Variants in HECW2 observed in about 807,000 individuals in gnomAD.
HECW2 encodes E3 ubiquitin-protein ligase HECW2.
HECW2 carries 61 observed loss-of-function variants against 175.2 expected under a neutral mutation model. The ratio of observed to expected loss-of-function variants is 0.35; its 90% CI spans 0.28 to 0.43. The LOEUF (loss-of-function observed/expected upper bound fraction) is 0.43. HECW2 is among the 20% of genes least tolerant of loss of function. The probability of loss-of-function intolerance (pLI) is 1.00; values close to 1 mark genes in which losing one functional copy is unlikely to be tolerated. For missense variants in HECW2, 1,524 were observed against 2,000.5 expected (o/e 0.76, Z 4.54); for synonymous variants, 671 against 731.0 (o/e 0.92, Z 1.32).
In HECW2 at chr2:196,305,703, C is replaced by T. The variant is rs145938176; in HGVS notation, c.2814+785G>A. 1.1e-4 allele frequency among the ~76,000 whole-genome samples: 17 copies of T among 152,098 alleles called. No individual in the cohort carries two copies. The East Asian group carries it at 2.9e-3, about 26-fold the overall frequency. On this transcript the variant is annotated intron_variant, in intron 13 of 28. Coordinates refer to ENST00000644978, the MANE Select transcript of HECW2 (RefSeq NM_001348768.2). ...TCAACTTCTTCAGTTTCTATTCTGCCTACTTACCCACCAAATCTTGTCAAC... is the reference window on the plus strand; with the variant it reads ...TCAACTTCTTCAGTTTCTATTCTGCTTACTTACCCACCAAATCTTGTCAAC...
chr2:196,530,362 T>G (rs1688801163), intron 1 of HECW2, among the ~76,000 whole-genome samples: 1 of 152,156 alleles, frequency 6.6e-6, no homozygotes, highest in South Asian at 2.1e-4. Context: ...ACCAAACTCC[T>G]CTCCATGAAG....
chr2:196,505,943 T>C (rs567334168), intron 1 of HECW2, among the ~76,000 whole-genome samples: 39 of 152,258 alleles, frequency 2.6e-4, no homozygotes, highest in African/African-American at 8.9e-4. Flanking sequence ...TAGCATGTCA[T>C]ATGGTGATAA....
At chr2:196,281,672 G>T (rs1242827139) in intron 14 of HECW2, among the ~76,000 whole-genome samples, 4 of 121,314 alleles carry the variant, frequency 3.3e-5, no homozygotes, top group African/African-American at 1.5e-4. Flanking sequence ...AAAAAAAAGC[G>T]TGTTCTTTTA....
At chr2:196,409,718 A>G (rs557716860) in intron 2 of HECW2, among the ~76,000 whole-genome samples, 2 of 152,328 alleles carry the variant, frequency 1.3e-5, no homozygotes, top group East Asian at 3.9e-4. Context: ...AGTGCATGCT[A>G]CTTCTATCTT....
At chr2:196,233,399 A>G (rs1347451472) in intron 21 of HECW2, among the ~76,000 whole-genome samples, 1 of 152,234 alleles carries the variant, frequency 6.6e-6, no homozygotes, top group African/African-American at 2.4e-5. Context: ...TTGTTAAAAT[A>G]ACAAATTTTA....
At chr2:196,302,930 G>C (rs1691120280) in intron 13 of HECW2, among the ~76,000 whole-genome samples, 1 of 152,098 alleles carries the variant, frequency 6.6e-6, no homozygotes, top group Non-Finnish European at 1.5e-5. Flanking sequence ...GATTGCCCTG[G>C]CCAGAACTTC....
intron 11 of HECW2, 80 bp downstream of exon 11, chr2:196,307,855 A>G: frequency 1.5e-6 from 2 of 1,295,444 alleles, no homozygotes; most frequent in East Asian, 2.5e-5. Flanking sequence ...CAAAGAGACA[A>G]CCATGTCTTC....
chr2:196,278,133 A>ATATATATATATATATATATAT lies in HECW2; in HGVS notation c.3135+394_3135+395insATATATATATATATATATATA, dbSNP rs1553489735. On this transcript the variant is annotated intron_variant, in intron 15 of 28. Transcript: ENST00000644978. ...CCTAGAACTTAAAGTATAATTAAAA[A>ATATATATATATATATATATAT]ATATATATATATATATATAAAGAAA... Among the ~76,000 whole-genome samples, 428 of 66,482 alleles carry ATATATATATATATATATATAT rather than the reference A, an allele frequency of 6.4e-3. 111 individuals carry two copies. The highest frequency in any genetic ancestry group is 0.03 in the East Asian group (29 of 968). The allele number at this position is 66,482 out of a possible 152,430, so 43.6% of individuals were successfully genotyped here. A position where few individuals can be genotyped will look rare whatever the true frequency, so the allele number is the denominator to read the frequency against.
chr2:196,325,147 G>C lies in HECW2; in HGVS notation c.574C>G (p.Leu192Val). The C allele has an allele frequency of 1.3e-6, 2 of 1,577,476 alleles. No homozygotes were observed. The highest frequency in any genetic ancestry group is 4.5e-5 in the East Asian group (2 of 44,098). Residue 192 changes from leucine (L) to valine (V), a missense_variant and splice_region_variant, in exon 6 of 29, where the codon CTT (leucine) becomes GTT (valine). By Grantham distance (32) the Leu-to-Val change is conservative (BLOSUM62 1). Transcript: ENST00000644978. ...CCTTTCTTTAGCCCAACTGCCCTAA[G>C]ATCTTTAAAGAAAGAGGGAGAAGGA... ...RKLVSFTLSD[L>V]RAVGLKKGMF...
intron 1 of HECW2, among the ~76,000 whole-genome samples, chr2:196,552,672 T>C (rs554372010): frequency 4.3e-4 from 66 of 152,292 alleles, no homozygotes; most frequent in African/African-American, 1.6e-3. Flanking sequence ...TATGGTTCCT[T>C]AAGTGTCTTA....
At chr2:196,589,852 T>C (rs1213069464) in intron 1 of HECW2, among the ~76,000 whole-genome samples, 2 of 152,226 alleles carry the variant, frequency 1.3e-5, no homozygotes, top group Non-Finnish European at 1.5e-5. Context: ...TGTTAATTCA[T>C]ATTGTGCTTG....
chr2:196,374,222 A>T (rs1693987566), intron 2 of HECW2, among the ~76,000 whole-genome samples: 1 of 152,170 alleles, frequency 6.6e-6, no homozygotes, highest in Admixed American at 6.5e-5. Context: ...ATATTCTCAA[A>T]TAATTTTTAA....
intron 1 of HECW2, among the ~76,000 whole-genome samples, chr2:196,491,489 C>CAT (rs201385726): frequency 5.1e-4 from 59 of 116,130 alleles, no homozygotes; most frequent in African/African-American, 8.9e-4. Context: ...TATATATACA[C>CAT]ATATATATAT....
chr2:196,262,844 C>T (rs1268664958), intron 17 of HECW2, among the ~76,000 whole-genome samples: 1 of 152,144 alleles, frequency 6.6e-6, no homozygotes, highest in African/African-American at 2.4e-5. Flanking sequence ...CAGGCACGAG[C>T]TATGGTGCTC....
At chr2:196,478,541 C>T (rs997390178) in intron 1 of HECW2, among the ~76,000 whole-genome samples, 35 of 151,988 alleles carry the variant, frequency 2.3e-4, no homozygotes, top group African/African-American at 8.2e-4. Flanking sequence ...GTATCTTGAA[C>T]GGGAATAATT....
intron 13 of HECW2, among the ~76,000 whole-genome samples, chr2:196,303,283 A>G (rs1691136334): frequency 1.3e-5 from 2 of 152,200 alleles, no homozygotes; most frequent in African/African-American, 4.8e-5. Context: ...TGTGGTGGAT[A>G]ACTTTTTTGA....
chr2:196,297,907 T>C (rs769183833), intron 13 of HECW2, among the ~76,000 whole-genome samples: 2 of 152,248 alleles, frequency 1.3e-5, no homozygotes, highest in African/African-American at 2.4e-5. Flanking sequence ...TTACAGGATT[T>C]ACATTGTTCT....
chr2:196,434,638 G>C (rs1473084955), intron 1 of HECW2, among the ~76,000 whole-genome samples: 1 of 152,120 alleles, frequency 6.6e-6, no homozygotes. Context: ...GAATTGATCT[G>C]ATTTTCTTCT....
intron 2 of HECW2, among the ~76,000 whole-genome samples, chr2:196,400,226 G>C (rs951748578): frequency 3.9e-5 from 6 of 152,144 alleles, no homozygotes; most frequent in African/African-American, 7.2e-5. Context: ...TGGGATTCTT[G>C]AGGCCTTTCC....
Sources: allele counts gnomAD v4.1 joint callset (sites outside exome capture counted in the v4.1 genomes callset), GRCh38; gene constraint gnomAD v4.1.1; transcripts MANE v1.5; gene names NCBI Gene and HGNC (gene_info 2026-07-23, HGNC 2026-07-21).